Variants in HSPA14 observed in about 807,000 individuals in gnomAD.
The protein encoded by HSPA14 is heat shock protein family A (Hsp70) member 14.
A neutral mutation model predicts 65.5 loss-of-function variants in HSPA14; 37 were observed. The observed-to-expected ratio is 0.56, with a 90% CI of 0.43 to 0.74. The LOEUF (loss-of-function observed/expected upper bound fraction) is 0.74, where lower values mean the gene tolerates loss of function less well. HSPA14 is among the 30% of genes least tolerant of loss of function. The pLI, the probability that HSPA14 is intolerant of heterozygous loss-of-function variation, is 0.00. For missense variants in HSPA14, 564 were observed against 607.6 expected (o/e 0.93, Z 0.75); for synonymous variants, 203 against 214.2 (o/e 0.95, Z 0.46).
In HSPA14 at chr10:14,854,146, A is replaced by C; in HGVS notation, c.756A>C (p.Arg252Ser). 6.2e-7 allele frequency: 1 copy of C among 1,605,146 alleles called. No homozygotes were observed. The highest frequency in any genetic ancestry group is 8.5e-7 in the Non-Finnish European group (1 of 1,177,596). Residue 252 changes from arginine (R) to serine (S), a missense_variant, in exon 9 of 14, where the codon AGA becomes AGC. Physicochemically the swap from Arg to Ser is moderately radical, Grantham distance 110 (BLOSUM62 -1). Coordinates refer to ENST00000378372, the MANE Select transcript of HSPA14 (RefSeq NM_016299.4). ...TTAGATCCTTCAAACATGATGTGAG[A>C]GGAAATGCGCGAGCCATGATGAAAT... ...EFQRSFKHDV[R>S]GNARAMMKLT...
At chr10:14,844,068 A>C in intron 3 of HSPA14, 1 of 1,426,402 alleles carries the variant, frequency 7.0e-7, no homozygotes, top group Non-Finnish European at 9.1e-7. Flanking sequence ...TCTCCACCAA[A>C]TGGAAGACCT....
chr10:14,845,643 G>C (rs1286835121), intron 3 of HSPA14: 2 of 628,680 alleles, frequency 3.2e-6, no homozygotes, highest in East Asian at 2.8e-4. Flanking sequence ...GCCCAGGCTG[G>C]GGTGCAGTGG....
At chr10:14,863,442 T>C (rs994622448) in intron 10 of HSPA14, among the ~76,000 whole-genome samples, 1 of 152,160 alleles carries the variant, frequency 6.6e-6, no homozygotes, top group Non-Finnish European at 1.5e-5. Context: ...TGATTATCAG[T>C]AGGTCCCAAG....
intron 12 of HSPA14, among the ~76,000 whole-genome samples, 175 bp from the exon 13 acceptor site, chr10:14,870,422 A>G (rs1435179255): frequency 1.3e-5 from 2 of 152,210 alleles, no homozygotes; most frequent in African/African-American, 4.8e-5. Flanking sequence ...CAAGTTAACA[A>G]AGCTTCACTC....
intron 3 of HSPA14, chr10:14,844,645 C>T: frequency 1.0e-6 from 1 of 984,020 alleles, no homozygotes; most frequent in Non-Finnish European, 1.2e-6. Context: ...ATAAGAAGTG[C>T]CAGGGAGCCG....
intron 9 of HSPA14, among the ~76,000 whole-genome samples, 191 bp downstream of exon 9, chr10:14,854,471 T>C (rs534756694): frequency 2.5e-4 from 38 of 152,330 alleles, no homozygotes; most frequent in African/African-American, 8.9e-4. Context: ...TAAGTTGTGA[T>C]TGCTTGCCCT....
intron 3 of HSPA14, chr10:14,845,164 A>G (rs1337119838): frequency 1.0e-6 from 1 of 984,900 alleles, no homozygotes; most frequent in Non-Finnish European, 1.2e-6. Flanking sequence ...GATAAGCCAC[A>G]CTTCCGATTT....
rs775839750 is a variant in HSPA14, at chr10:14,849,795, C to CA, written c.458dup (p.Asn153LysfsTer8). ...TGTCCCGTTTGATTTTGGAGAAAAG[C>CA]AAAAAAATGCTCTTGGGTAAGTATA... On this transcript the variant is annotated frameshift_variant, in exon 6 of 14. Transcript: ENST00000378372. LOFTEE classifies it high-confidence loss of function. 1.9e-6 allele frequency: 3 copies of CA among 1,607,436 alleles called. No homozygotes were observed. The highest frequency in any genetic ancestry group is 2.6e-6 in the Non-Finnish European group (3 of 1,175,914).
In HSPA14 at chr10:14,870,594, C is replaced by T. The variant is rs190116112; in HGVS notation, c.1381-3C>T. 143 of 1,582,908 alleles carry T rather than the reference C, an allele frequency of 9.0e-5. No homozygotes were observed. The highest frequency in any genetic ancestry group is 1.1e-4 in the Non-Finnish European group (133 of 1,160,092). ...TCTCTTCATATTGTTCTTGTATAAA[C>T]AGGTTGTACTCCAGGATTTAGATAA... On this transcript the variant is annotated splice_polypyrimidine_tract_variant and splice_region_variant and intron_variant, in intron 12 of 13. Transcript: ENST00000378372.
chr10:14,846,593 AAGCTTTT>A, intron 3 of HSPA14: 1 of 977,066 alleles, frequency 1.0e-6, no homozygotes. Flanking sequence ...CCCCTTAGAA[AAGCTTTT>A]CCAGCATTCC....
At chr10:14,857,164 G>C (rs186641203) in intron 10 of HSPA14, among the ~76,000 whole-genome samples, 32 of 152,280 alleles carry the variant, frequency 2.1e-4, no homozygotes, top group Admixed American at 1.8e-3. Flanking sequence ...GAAACGCACT[G>C]TCAGTTTTTC....
chr10:14,852,469 T>C lies in HSPA14; in HGVS notation c.672T>C (p.Asp224=). 1 of 1,614,068 alleles carries C rather than the reference T, an allele frequency of 6.2e-7. No homozygotes were observed. Among genetic ancestry groups the C allele is most frequent in the South Asian group, 1.1e-5 (1 of 91,074 alleles). The part of the protein sequence containing the change: ...IYRVLSTNTD[D]NIGGAHFTET... Reference sequence around the variant, plus strand: ...GGGTTCTTTCAACAAACACTGATGATAACATCGGTGGTGCACATTTCACAG... The same window carrying C: ...GGGTTCTTTCAACAAACACTGATGACAACATCGGTGGTGCACATTTCACAG... Residue 224 remains aspartate (D), a synonymous_variant, in exon 8 of 14, where the codon GAT becomes GAC. Coordinates refer to ENST00000378372, the MANE Select transcript of HSPA14 (RefSeq NM_016299.4).
In HSPA14 at chr10:14,866,038, G is replaced by T. The variant is rs1312418545; in HGVS notation, c.994-1045G>T. 3.9e-5 allele frequency among the ~76,000 whole-genome samples: 6 copies of T among 152,232 alleles called. No individual in the cohort carries two copies. In the South Asian group the frequency reaches 1.2e-3, roughly 32 times the overall value. On this transcript the variant is annotated intron_variant, in intron 10 of 13. Coordinates refer to ENST00000378372, the MANE Select transcript of HSPA14 (RefSeq NM_016299.4). Reference sequence around the variant, plus strand: ...CTTGAAGAGGTCCTTCACATCCCTTGTAAGTTGGATTCCTAGGTATACCAC... The same window carrying T: ...CTTGAAGAGGTCCTTCACATCCCTTTTAAGTTGGATTCCTAGGTATACCAC...
intron 10 of HSPA14, among the ~76,000 whole-genome samples, chr10:14,856,522 T>C (rs1039396767): frequency 1.3e-5 from 2 of 152,244 alleles, no homozygotes; most frequent in Admixed American, 1.3e-4. Flanking sequence ...GTATTTTCTT[T>C]TTTTTCCCCA....
chr10:14,840,748 A>ATTTGAGGGTTTTCAAAT (rs1435339897), intron 3 of HSPA14, among the ~76,000 whole-genome samples: 2 of 152,208 alleles, frequency 1.3e-5, no homozygotes, highest in African/African-American at 4.8e-5. Flanking sequence ...AGATTGCTAT[A>ATTTGAGGGTTTTCAAAT]ATAATTAGGG....
chr10:14,869,084 G>T (rs374356394), intron 12 of HSPA14, among the ~76,000 whole-genome samples: 8 of 152,204 alleles, frequency 5.3e-5, no homozygotes, highest in African/African-American at 1.9e-4. Flanking sequence ...ATGACCTCAT[G>T]ATCCGCCTGC....
In HSPA14 at chr10:14,838,395, G is replaced by T. The variant is rs45622935; in HGVS notation, c.-8G>T. The T allele has an allele frequency of 0.068, 109,570 of 1,601,090 alleles. 4,432 individuals are homozygous for T. Among genetic ancestry groups the T allele is most frequent in the Non-Finnish European group, 0.079 (93,377 of 1,175,864 alleles). On this transcript the variant is annotated 5_prime_UTR_variant, in exon 1 of 14. Coordinates refer to ENST00000378372, the MANE Select transcript of HSPA14 (RefSeq NM_016299.4). ...CCTCATTCCTGCCGCTGCCGTCCCT[G>T]CTGCCTCATGGCGGCCATCGGAGTT...
intron 3 of HSPA14, chr10:14,843,278 A>G (rs893242825): frequency 8.9e-6 from 13 of 1,465,886 alleles, no homozygotes; most frequent in South Asian, 1.2e-5. Context: ...AGGAACAACC[A>G]TAGTTTTATA....
At chr10:14,853,997 C>T (rs1004023383) in intron 8 of HSPA14, 128 bp from the exon 9 acceptor site, 18 of 847,620 alleles carry the variant, frequency 2.1e-5, no homozygotes, top group Admixed American at 3.2e-5. Context: ...GGATTACACG[C>T]GTGAGCCACC....
Sources: gnomAD v4.1 joint callset for allele counts (sites outside exome capture counted in the v4.1 genomes callset) on GRCh38, gnomAD v4.1.1 for gene constraint, MANE v1.5 for transcripts, NCBI Gene and HGNC (gene_info 2026-07-23, HGNC 2026-07-21) for gene names.